The following ST6GALNAC3 variants were observed in gnomAD, a reference collection of about 807,000 sequenced individuals.
ST6GALNAC3 encodes the protein alpha-N-acetylgalactosaminide alpha-2,6-sialyltransferase 3.
ST6GALNAC3 carries 25 observed loss-of-function variants against 32.7 expected under a neutral mutation model. The ratio of observed to expected loss-of-function variants is 0.76; its 90% CI spans 0.56 to 1.07. The LOEUF is 1.07. Among genes scored for constraint, ST6GALNAC3 ranks in the 50% least tolerant of loss-of-function variants. ST6GALNAC3 has a pLI of 0.00. For missense variants in ST6GALNAC3, 355 were observed against 382.4 expected (o/e 0.93, Z 0.60); for synonymous variants, 129 against 133.1 (o/e 0.97, Z 0.21).
At chr1:76,410,027 G>C (rs886758086) in intron 2 of ST6GALNAC3, among the ~76,000 whole-genome samples, 1 of 152,114 alleles carries the variant, frequency 6.6e-6, no homozygotes, top group Non-Finnish European at 1.5e-5. Flanking sequence ...TGGGATTGTA[G>C]CAGCGGCCTA....
chr1:76,171,405 A>C (rs7556363), intron 1 of ST6GALNAC3, among the ~76,000 whole-genome samples: 78,599 of 151,950 alleles, frequency 0.52, 23,302 homozygotes, highest in East Asian at 0.88. Flanking sequence ...ATCAGAGAAG[A>C]AACTAAAACA....
At chr1:76,096,918 CTTTTTTTTTTTT>C (rs545909921) in intron 1 of ST6GALNAC3, among the ~76,000 whole-genome samples, 1 of 130,716 alleles carries the variant, frequency 7.7e-6, no homozygotes, top group Non-Finnish European at 1.7e-5. Flanking sequence ...AGTCATAGAG[CTTTTTTTTTTTT>C]TTTTTTGAGA....
chr1:76,330,244 C>G (rs2100956004), intron 2 of ST6GALNAC3, among the ~76,000 whole-genome samples: 1 of 152,198 alleles, frequency 6.6e-6, no homozygotes, highest in African/African-American at 2.4e-5. Flanking sequence ...CCTCTGCCTC[C>G]TAGGTTCAAG....
At chr1:76,221,948 C>T (rs1424627653) in intron 1 of ST6GALNAC3, among the ~76,000 whole-genome samples, 1 of 152,034 alleles carries the variant, frequency 6.6e-6, no homozygotes, top group East Asian at 1.9e-4. Flanking sequence ...AAAGAATGAA[C>T]TTGTGTTTTT....
intron 3 of ST6GALNAC3, among the ~76,000 whole-genome samples, chr1:76,488,123 T>A (rs541349626): frequency 1.3e-4 from 20 of 152,116 alleles, no homozygotes; most frequent in Non-Finnish European, 2.5e-4. Context: ...TGAAATATAA[T>A]CCCCCATGTT....
At chr1:76,292,350 T>C (rs1660146475) in intron 1 of ST6GALNAC3, among the ~76,000 whole-genome samples, 1 of 152,228 alleles carries the variant, frequency 6.6e-6, no homozygotes, top group African/African-American at 2.4e-5. Context: ...CACTGAGGAA[T>C]GTTTGTAGAA....
At chr1:76,249,882 A>G (rs555642915) in intron 1 of ST6GALNAC3, among the ~76,000 whole-genome samples, 3 of 152,214 alleles carry the variant, frequency 2.0e-5, no homozygotes, top group East Asian at 3.9e-4. Flanking sequence ...TCATGTGTTT[A>G]TTAGCCATTT....
chr1:76,551,007 C>G (rs1399433548), intron 3 of ST6GALNAC3, among the ~76,000 whole-genome samples: 1 of 152,064 alleles, frequency 6.6e-6, no homozygotes, highest in Non-Finnish European at 1.5e-5. Flanking sequence ...TGATCTGCAC[C>G]CCCGCCCTGC....
chr1:76,440,435 G>T (rs920885947), intron 3 of ST6GALNAC3, among the ~76,000 whole-genome samples: 1 of 152,208 alleles, frequency 6.6e-6, no homozygotes, highest in African/African-American at 2.4e-5. Flanking sequence ...AGATGATGGG[G>T]CCAGAATGGG....
At chr1:76,447,577 C>T (rs751802356) in intron 3 of ST6GALNAC3, among the ~76,000 whole-genome samples, 1 of 152,128 alleles carries the variant, frequency 6.6e-6, no homozygotes, top group African/African-American at 2.4e-5. Flanking sequence ...ATCACAGGCC[C>T]AGTACCCTAG....
intron 3 of ST6GALNAC3, among the ~76,000 whole-genome samples, chr1:76,498,048 T>C (rs1660964145): frequency 6.6e-6 from 1 of 152,188 alleles, no homozygotes; most frequent in East Asian, 1.9e-4. Flanking sequence ...TTATGCCCTT[T>C]ACACCAATCT....
At position 76,629,525 on chromosome 1, in the gene ST6GALNAC3, C is replaced by G; in HGVS notation, c.*719C>G. The G allele has an allele frequency of 4.1e-6, 4 of 984,912 alleles. No homozygotes were observed. Among genetic ancestry groups the G allele is most frequent in the Non-Finnish European group, 4.8e-6 (4 of 829,210 alleles). The allele number at this position is 984,912 out of a possible 1,614,324, so 61.0% of individuals were successfully genotyped here. On this transcript the variant is annotated 3_prime_UTR_variant, in exon 5 of 5. Coordinates refer to ENST00000328299, the MANE Select transcript of ST6GALNAC3 (RefSeq NM_152996.4). ...TCCATTCTTACTACCAACAGTATAA[C>G]TGAACATGTGATTAGAATGATCTAT...
chr1:76,584,060 G>A (rs957823228), intron 3 of ST6GALNAC3, among the ~76,000 whole-genome samples: 2 of 152,090 alleles, frequency 1.3e-5, no homozygotes, highest in Non-Finnish European at 2.9e-5. Context: ...ACAATTAAGT[G>A]CTTTTCACTA....
intron 2 of ST6GALNAC3, among the ~76,000 whole-genome samples, chr1:76,371,931 G>T (rs1459916647): frequency 2.6e-5 from 4 of 152,056 alleles, no homozygotes; most frequent in African/African-American, 9.7e-5. Context: ...CCTCCTTTTG[G>T]TTAAGGAGCA....
At chr1:76,313,540 T>A in intron 1 of ST6GALNAC3, 1 of 531,148 alleles carries the variant, frequency 1.9e-6, no homozygotes, top group East Asian at 3.7e-5. Context: ...TGAATAGGAG[T>A]GTACAAGGAA....
At position 76,412,082 on chromosome 1, in the gene ST6GALNAC3, T is replaced by G. The variant is rs199878793; in HGVS notation, c.288T>G (p.Asn96Lys). The G allele has an allele frequency of 9.5e-5, 153 of 1,613,372 alleles. No individual in the cohort carries two copies. Among genetic ancestry groups the G allele is most frequent in the Admixed American group, 8.0e-4 (48 of 59,888 alleles). The part of the protein sequence containing the change: ...SGQMVGQKVG[N>K]EIDRSSCIWR... ...AGATGGTTGGCCAGAAGGTGGGAAA[T>G]GAGATAGATCGATCCTCCTGCATTT... Residue 96 changes from asparagine (N) to lysine (K), a missense_variant, in exon 3 of 5, where the codon AAT becomes AAG. By Grantham distance (94) the Asn-to-Lys change is moderately conservative. Transcript: ENST00000328299.
intron 3 of ST6GALNAC3, among the ~76,000 whole-genome samples, chr1:76,482,398 C>G (rs1367020669): frequency 6.6e-6 from 1 of 152,062 alleles, no homozygotes; most frequent in Admixed American, 6.6e-5. Context: ...TTTTTAACAC[C>G]ACAACATTTG....
Position 76,385,133 on chromosome 1 carries a change from C to A in ST6GALNAC3, c.214-26875C>A, listed in dbSNP as rs1325296. On this transcript the variant is annotated intron_variant, in intron 2 of 4. Coordinates refer to ENST00000328299, the MANE Select transcript of ST6GALNAC3 (RefSeq NM_152996.4). ...TTCATTAACACATGTTTAAAAAAAA[C>A]CCAAAAATATCGCAAGATAAAAAAT... Among the ~76,000 whole-genome samples, 623 of 151,980 alleles carry A rather than the reference C, an allele frequency of 4.1e-3. 5 individuals are homozygous for A. Among genetic ancestry groups the A allele is most frequent in the African/African-American group, 0.014 (582 of 41,452 alleles).
chr1:76,144,036 G>A (rs289683), intron 1 of ST6GALNAC3, among the ~76,000 whole-genome samples: 21,736 of 152,206 alleles, frequency 0.14, 1,711 homozygotes, highest in African/African-American at 0.16. Flanking sequence ...GTGGATCTGT[G>A]TAAATAGCTT....
Sources: gnomAD v4.1 joint callset for allele counts (sites outside exome capture counted in the v4.1 genomes callset) on GRCh38, gnomAD v4.1.1 for gene constraint, MANE v1.5 for transcripts, NCBI Gene and HGNC (gene_info 2026-07-23, HGNC 2026-07-21) for gene names.